WASL: variants seen among roughly 807,000 people sequenced by gnomAD.
WASL encodes WASP like actin nucleation promoting factor.
A neutral mutation model predicts 55.5 loss-of-function variants in WASL; 20 were observed. The ratio of observed to expected loss-of-function variants is 0.36; its 90% CI spans 0.25 to 0.52. WASL has a LOEUF of 0.52. WASL is among the 20% of genes least tolerant of loss of function. The pLI is 0.92. For missense variants in WASL, 504 were observed against 622.5 expected, an observed-to-expected ratio of 0.81 and a Z score of 2.03; for synonymous variants, 249 against 217.6, an observed-to-expected ratio of 1.14 and a Z score of -1.27.
At chr7:123,720,650 ATTT>A (rs374915810) in intron 1 of WASL, among the ~76,000 whole-genome samples, 2 of 137,460 alleles carry the variant, frequency 1.5e-5, no homozygotes, top group African/African-American at 2.7e-5. Context: ...ACACTGTGGG[ATTT>A]TTTTTTTTTT....
chr7:123,686,000 G>A (rs896556650), intron 10 of WASL, among the ~76,000 whole-genome samples: 2 of 150,516 alleles, frequency 1.3e-5, no homozygotes, highest in South Asian at 2.1e-4. Context: ...GGTGACATAC[G>A]TGTGGGTTAC....
intron 1 of WASL, among the ~76,000 whole-genome samples, chr7:123,716,268 T>G (rs1301225405): frequency 1.3e-5 from 2 of 151,902 alleles, no homozygotes; most frequent in Non-Finnish European, 2.9e-5. Flanking sequence ...GGTGGAGGAG[T>G]GCAATGGCAC....
Position 123,692,539 on chromosome 7 carries a change from T to C in WASL, c.1155A>G (p.Pro385=). The stretch of plus-strand genomic sequence containing the variant: ...CAGAAGGCAGGCCAGGCGGGGGCGG[T>C]GGCCCAGGAGGAGGTGGAGGTGGAG... The part of the protein sequence containing the change: ...PPPPPPPPPG[P]PPPPGLPSDG... The change falls in exon 9 of 11, where the codon CCA becomes CCG. Residue 385 remains proline (P), a synonymous_variant. Transcript: ENST00000223023. 1 of 1,613,682 alleles carries C rather than the reference T, an allele frequency of 6.2e-7. No individual in the cohort carries two copies. Among genetic ancestry groups the C allele is most frequent in the Non-Finnish European group, 8.5e-7 (1 of 1,179,930 alleles).
intron 5 of WASL, 42 bp downstream of exon 5, chr7:123,704,592 C>A: frequency 1.4e-6 from 2 of 1,464,628 alleles, no homozygotes; most frequent in South Asian, 2.4e-5. Flanking sequence ...ATTAAACTGT[C>A]ATCTAAAATC....
chr7:123,742,862 A>G (rs533604124), intron 1 of WASL, among the ~76,000 whole-genome samples: 1 of 152,344 alleles, frequency 6.6e-6, no homozygotes, highest in South Asian at 2.1e-4. Flanking sequence ...GCTTAGATAT[A>G]TGCTATATTA....
intron 1 of WASL, among the ~76,000 whole-genome samples, chr7:123,736,687 A>ATC (rs1562966464): frequency 6.6e-6 from 1 of 152,204 alleles, no homozygotes; most frequent in Non-Finnish European, 1.5e-5. Flanking sequence ...AAAAAATGTT[A>ATC]AAGAAATGGG....
intron 10 of WASL, among the ~76,000 whole-genome samples, chr7:123,688,625 G>A (rs1469627805): frequency 6.6e-6 from 1 of 152,156 alleles, no homozygotes; most frequent in African/African-American, 2.4e-5. Flanking sequence ...GCCTCCCAAA[G>A]TGCTGGGATT....
chr7:123,746,184 T>A (rs115113549), intron 1 of WASL, among the ~76,000 whole-genome samples: 2,478 of 152,298 alleles, frequency 0.016, 79 homozygotes, highest in African/African-American at 0.057. Context: ...CACTGACTTA[T>A]CAGTTTACAC....
At chr7:123,709,286 G>C in intron 1 of WASL, 63 bp from the exon 2 acceptor site, 1 of 1,430,316 alleles carries the variant, frequency 7.0e-7, no homozygotes. Flanking sequence ...CATAGCCCCT[G>C]CTGACAGCTT....
At chr7:123,696,328 CAACTTT>C (rs1430091960) in intron 6 of WASL, among the ~76,000 whole-genome samples, 1 of 149,334 alleles carries the variant, frequency 6.7e-6, no homozygotes, top group Non-Finnish European at 1.5e-5. Context: ...GTTGAAGAAA[CAACTTT>C]ATCTAATTTT....
At chr7:123,687,618 C>T (rs182486117) in intron 10 of WASL, among the ~76,000 whole-genome samples, 44 of 152,236 alleles carry the variant, frequency 2.9e-4, no homozygotes, top group African/African-American at 9.6e-4. Context: ...ACAGTCTGCC[C>T]CCTATTTCCC....
At chr7:123,746,763 T>G (rs1040834761) in intron 1 of WASL, among the ~76,000 whole-genome samples, 6 of 152,218 alleles carry the variant, frequency 3.9e-5, no homozygotes, top group Non-Finnish European at 8.8e-5. Flanking sequence ...ATCACAGTAT[T>G]TTTCCCCATC....
rs756596760 is a variant in WASL, at chr7:123,684,558, ATCATCTTCATCT to A, written c.1467_1478del (p.Glu489_Asp492del). On this transcript the variant is annotated inframe_deletion, in exon 11 of 11. Coordinates refer to ENST00000223023, the MANE Select transcript of WASL (RefSeq NM_003941.4). ...CATCATCATCCTCAAAATCTTCTTC[ATCATCTTCATCT>A]TCATCTTCATCTACAAGAAAATCAA... 7.1e-7 allele frequency: 1 copy of A among 1,401,860 alleles called. No homozygotes were observed. Among genetic ancestry groups the A allele is most frequent in the Non-Finnish European group, 9.8e-7 (1 of 1,017,706 alleles). 86.8% of individuals were successfully genotyped at this position (1,401,860 alleles called of 1,614,324 possible).
chr7:123,682,105 A>G lies in WASL; in HGVS notation c.*2414T>C, dbSNP rs977418424. On this transcript the variant is annotated 3_prime_UTR_variant, in exon 11 of 11. Transcript: ENST00000223023. ...AGTCTTTATGAATCTCATACATACAATATGTGGCTAGCTGAAATTGTCTAT... is the reference window on the plus strand; with the variant it reads ...AGTCTTTATGAATCTCATACATACAGTATGTGGCTAGCTGAAATTGTCTAT... 7.2e-5 allele frequency: 11 copies of G among 152,158 alleles called. No individual in the cohort carries two copies. Among genetic ancestry groups the G allele is most frequent in the African/African-American group, 2.4e-4 (10 of 41,452 alleles). The allele number at this position is 152,158 out of a possible 1,614,324, so 9.4% of individuals were successfully genotyped here.
At chr7:123,705,796 C>G (rs182212175) in intron 4 of WASL, among the ~76,000 whole-genome samples, 71 of 152,208 alleles carry the variant, frequency 4.7e-4, no homozygotes, top group African/African-American at 1.3e-3. Context: ...AATAGAAAGA[C>G]AAGGCAATGT....
chr7:123,693,282 ATTTT>A (rs540835549), intron 8 of WASL, among the ~76,000 whole-genome samples: 15 of 152,314 alleles, frequency 9.8e-5, no homozygotes, highest in South Asian at 8.3e-4. Flanking sequence ...AAGTACACTT[ATTTT>A]TTTAAGTAAA....
chr7:123,685,296 C>A (rs1455048271), intron 10 of WASL, among the ~76,000 whole-genome samples: 1 of 151,978 alleles, frequency 6.6e-6, no homozygotes, highest in Non-Finnish European at 1.5e-5. Context: ...TAAGACCCTA[C>A]ATGATTTGTC....
intron 10 of WASL, 46 bp from the exon 11 acceptor site, chr7:123,684,626 A>G (rs926617701): frequency 5.4e-6 from 8 of 1,483,328 alleles, no homozygotes; most frequent in Non-Finnish European, 7.2e-6. Context: ...AAATAAAATG[A>G]CATTACATAA....
chr7:123,711,060 G>C (rs914338873), intron 1 of WASL, among the ~76,000 whole-genome samples: 4 of 152,078 alleles, frequency 2.6e-5, no homozygotes, highest in Admixed American at 1.3e-4. Context: ...TAGGAAACTA[G>C]ATGTACCAAA....
Sources: gnomAD v4.1 joint callset for allele counts (sites outside exome capture counted in the v4.1 genomes callset) on GRCh38, gnomAD v4.1.1 for gene constraint, MANE v1.5 for transcripts, NCBI Gene and HGNC (gene_info 2026-07-23, HGNC 2026-07-21) for gene names.